TMCC1: variants seen among roughly 807,000 people sequenced by gnomAD.
TMCC1 encodes the protein transmembrane and coiled-coil domains protein 1.
In TMCC1, 15 loss-of-function variants were observed where a neutral mutation model predicts 52.4. That is an observed-to-expected ratio of 0.29 (90% CI 0.19 to 0.44). TMCC1 has a LOEUF of 0.44. Ranked by LOEUF, TMCC1 falls within the 20% of genes least tolerant of loss-of-function variation. The pLI is 1.00. For synonymous variants in TMCC1, 279 were observed against 301.9 expected, an observed-to-expected ratio of 0.92 and a Z score of 0.79; for missense variants, 503 against 806.0, an observed-to-expected ratio of 0.62 and a Z score of 4.55.
At chr3:129,801,866 A>G (rs1158575621) in intron 4 of TMCC1, among the ~76,000 whole-genome samples, 2 of 152,182 alleles carry the variant, frequency 1.3e-5, no homozygotes, top group African/African-American at 4.8e-5. Flanking sequence ...TCTACTTTTT[A>G]ACTCACAACA....
At chr3:129,747,472 T>C (rs2052082173) in intron 4 of TMCC1, among the ~76,000 whole-genome samples, 1 of 152,200 alleles carries the variant, frequency 6.6e-6, no homozygotes, top group African/African-American at 2.4e-5. Context: ...TTCGATAATT[T>C]AAAATATTTT....
intron 4 of TMCC1, among the ~76,000 whole-genome samples, chr3:129,821,266 G>T (rs888518019): frequency 1.3e-5 from 2 of 152,152 alleles, no homozygotes; most frequent in Non-Finnish European, 2.9e-5. Flanking sequence ...CTTAGACTCA[G>T]CCATGAACTA....
At chr3:129,795,631 A>G (rs972160563) in intron 4 of TMCC1, among the ~76,000 whole-genome samples, 1 of 152,236 alleles carries the variant, frequency 6.6e-6, no homozygotes, top group African/African-American at 2.4e-5. Flanking sequence ...TTGTATTACA[A>G]TAGTCCTCCC....
At chr3:129,869,653 C>CAT (rs2060823101) in intron 2 of TMCC1, among the ~76,000 whole-genome samples, 1 of 152,104 alleles carries the variant, frequency 6.6e-6, no homozygotes, top group South Asian at 2.1e-4. Flanking sequence ...ATGGAAAAAC[C>CAT]CCCATAGGTA....
At chr3:129,774,742 G>A (rs1244424785) in intron 4 of TMCC1, among the ~76,000 whole-genome samples, 1 of 152,188 alleles carries the variant, frequency 6.6e-6, no homozygotes, top group African/African-American at 2.4e-5. Context: ...GGGAAGACCA[G>A]GAAAAGGGAA....
At chr3:129,833,660 A>G (rs774522583) in intron 2 of TMCC1, among the ~76,000 whole-genome samples, 3 of 152,210 alleles carry the variant, frequency 2.0e-5, no homozygotes, top group Non-Finnish European at 2.9e-5. Context: ...TGGGAGGCCA[A>G]GGCAAGAAGG....
At chr3:129,697,657 C>T (rs1236182147) in intron 4 of TMCC1, among the ~76,000 whole-genome samples, 1 of 152,134 alleles carries the variant, frequency 6.6e-6, no homozygotes, top group Admixed American at 6.6e-5. Flanking sequence ...TTATGCTCTG[C>T]TTCCTCTCAA....
At chr3:129,793,368 A>C (rs1030775493) in intron 4 of TMCC1, among the ~76,000 whole-genome samples, 7 of 152,174 alleles carry the variant, frequency 4.6e-5, no homozygotes, top group African/African-American at 1.7e-4. Flanking sequence ...GAGGGAACTA[A>C]AGGTTTTCCC....
At chr3:129,870,616 G>C (rs560349070) in intron 2 of TMCC1, among the ~76,000 whole-genome samples, 1 of 148,446 alleles carries the variant, frequency 6.7e-6, no homozygotes, top group Non-Finnish European at 1.5e-5. Context: ...GCTGGCGCCT[G>C]TAGTCCCAGC....
At chr3:129,874,760 G>A (rs987564427) in intron 2 of TMCC1, among the ~76,000 whole-genome samples, 3 of 152,098 alleles carry the variant, frequency 2.0e-5, no homozygotes, top group Non-Finnish European at 4.4e-5. Flanking sequence ...GGGAGGGTGA[G>A]GTGGGAGGAT....
chr3:129,693,362 T>G (rs998127786), intron 4 of TMCC1, among the ~76,000 whole-genome samples: 1 of 152,120 alleles, frequency 6.6e-6, no homozygotes, highest in Non-Finnish European at 1.5e-5. Context: ...AGAGCTTAGG[T>G]TCTTTACAAT....
rs991045039 is a variant in TMCC1 at position 129,651,857 on chromosome 3, T to C, written c.1648-62A>G. The C allele has an allele frequency of 6.5e-6, 10 of 1,542,284 alleles. No individual in the cohort carries two copies. The Admixed American group carries it at 9.6e-5, about 15-fold the overall frequency. On this transcript the variant is annotated intron_variant, in intron 6 of 6. Transcript: ENST00000393238. This position sits in a 1 kb window ranked among gnomAD's most constrained non-coding sequence, Gnocchi z 5.1. ...TCACAAGTATTCTGAGATGCTGACA[T>C]GCCCCCTGGGCAAGCCAGATGCATC... is the stretch of plus-strand genomic sequence containing the variant.
At chr3:129,718,048 G>GA (rs1224137174) in intron 4 of TMCC1, among the ~76,000 whole-genome samples, 3 of 151,932 alleles carry the variant, frequency 2.0e-5, no homozygotes, top group Non-Finnish European at 2.9e-5. Context: ...AACAATTTGG[G>GA]AAAAAATGGC....
At chr3:129,743,924 G>C (rs1300180198) in intron 4 of TMCC1, among the ~76,000 whole-genome samples, 1 of 149,852 alleles carries the variant, frequency 6.7e-6, no homozygotes. Context: ...CATTTGCCAA[G>C]TGCACTTGTT....
intron 2 of TMCC1, among the ~76,000 whole-genome samples, chr3:129,849,203 C>T (rs1194827781): frequency 1.3e-5 from 2 of 152,152 alleles, no homozygotes; most frequent in Non-Finnish European, 2.9e-5. Context: ...AGGCTCACAC[C>T]TGTAATCCCA....
chr3:129,701,549 T>C (rs1389909586), intron 4 of TMCC1, among the ~76,000 whole-genome samples: 1 of 152,218 alleles, frequency 6.6e-6, no homozygotes, highest in Non-Finnish European at 1.5e-5. Flanking sequence ...TGTGGTCATA[T>C]GAATATATAA....
chr3:129,794,439 C>T, intron 4 of TMCC1: 1 of 452,916 alleles, frequency 2.2e-6, no homozygotes, highest in Non-Finnish European at 4.4e-6. Context: ...AAGTCGGTGG[C>T]AGAACATTTT....
At position 129,688,569 on chromosome 3, in the gene TMCC1, C is replaced by G. The variant is rs1004844332; in HGVS notation, c.577-17305G>C. 5 of 985,448 alleles carry G rather than the reference C, an allele frequency of 5.1e-6. No individual in the cohort carries two copies. In the South Asian group the frequency reaches 2.3e-4, roughly 46 times the overall value. 61.0% of individuals were successfully genotyped at this position (985,448 alleles called of 1,614,324 possible). A position where few individuals can be genotyped will look rare whatever the true frequency, so the allele number is the denominator to read the frequency against. Reference sequence around the variant, plus strand: ...ATAGCCAATCCTCCGCAGTGCCCACCTCAGCCTATGTATAGTTTCAATTCT... The same window carrying G: ...ATAGCCAATCCTCCGCAGTGCCCACGTCAGCCTATGTATAGTTTCAATTCT... On this transcript the variant is annotated intron_variant, in intron 4 of 6. Coordinates refer to ENST00000393238, the MANE Select transcript of TMCC1 (RefSeq NM_001017395.5).
intron 1 of TMCC1, among the ~76,000 whole-genome samples, chr3:129,885,414 C>T (rs1441737119): frequency 6.6e-6 from 1 of 151,672 alleles, no homozygotes; most frequent in African/African-American, 2.4e-5. Flanking sequence ...ATGGTGAAAC[C>T]GTCTCTACAA....
Sources: allele counts gnomAD v4.1 joint callset (sites outside exome capture counted in the v4.1 genomes callset), GRCh38; gene constraint gnomAD v4.1.1; non-coding constraint Gnocchi (gnomAD v3.1); transcripts MANE v1.5; gene names NCBI Gene and HGNC (gene_info 2026-07-23, HGNC 2026-07-21).